The following ABCA13 variants were observed in gnomAD, a reference collection of about 807,000 sequenced individuals.
The protein encoded by ABCA13 is ATP binding cassette subfamily A member 13, also known as ATP-binding cassette sub-family A member 13.
ABCA13 carries 476 observed loss-of-function variants against 478.7 expected under a neutral mutation model. The ratio of observed to expected loss-of-function variants is 0.99; its 90% confidence interval spans 0.92 to 1.07. The LOEUF is 1.07. ABCA13 is among the 50% of genes least tolerant of loss of function. The pLI is 0.00. For synonymous variants in ABCA13, 2,252 were observed against 2,158.9 expected (o/e 1.04, Z -1.20); for missense variants, 6,060 against 5,910.6 (o/e 1.03, Z -0.83).
intron 59 of ABCA13, among the ~76,000 whole-genome samples, chr7:48,622,997 G>A (rs963364261): frequency 1.3e-5 from 2 of 152,106 alleles, no homozygotes; most frequent in Non-Finnish European, 2.9e-5. Flanking sequence ...AAAGAAGTGA[G>A]CCTCCTACCT....
intron 55 of ABCA13, among the ~76,000 whole-genome samples, chr7:48,575,206 A>G (rs1021388492): frequency 8.5e-5 from 13 of 152,274 alleles, no homozygotes; most frequent in Non-Finnish European, 1.3e-4. Flanking sequence ...TGCATAAACA[A>G]TAATACACCA....
In ABCA13 at chr7:48,350,633, C is replaced by A. The variant is rs1326680856; in HGVS notation, c.10205-10C>A. 6.2e-7 allele frequency: 1 copy of A among 1,609,132 alleles called. No individual in the cohort carries two copies. Among genetic ancestry groups the A allele is most frequent in the Admixed American group, 1.7e-5 (1 of 59,690 alleles). ...AAGTTGATGTGTCCTAATCTGTTCA[C>A]TTTCCTCAGGAGGGCTGCTGGATGA... is the stretch of plus-strand genomic sequence containing the variant. On this transcript the variant is annotated splice_polypyrimidine_tract_variant and intron_variant, in intron 29 of 61. Coordinates refer to ENST00000435803, the MANE Select transcript of ABCA13 (RefSeq NM_152701.5).
chr7:48,637,282 G>A (rs1473574171), intron 59 of ABCA13, among the ~76,000 whole-genome samples: 2 of 147,440 alleles, frequency 1.4e-5, no homozygotes, highest in African/African-American at 2.5e-5. Context: ...TCTCACGCAC[G>A]AAGTACTGTA....
intron 58 of ABCA13, among the ~76,000 whole-genome samples, chr7:48,610,151 A>G (rs1031331374): frequency 2.0e-5 from 3 of 152,208 alleles, no homozygotes; most frequent in African/African-American, 7.2e-5. Context: ...TAAAAAACAA[A>G]TTAGTTACTT....
chr7:48,336,039 A>C (rs895151345), intron 28 of ABCA13, among the ~76,000 whole-genome samples: 1 of 152,168 alleles, frequency 6.6e-6, no homozygotes, highest in Non-Finnish European at 1.5e-5. Context: ...GGATGAGAAA[A>C]TATGCCTGCA....
Position 48,287,992 on chromosome 7 carries a change from G to A in ABCA13, c.8869G>A (p.Ala2957Thr). ...NPSWTKDILC[A>T]TLSCKQNGIR... ...TTCCTGGACCAAGGACATTTTGTGT[G>A]CTACTCTGAGTTGCAAGCAAAATGG... The change falls in exon 20 of 62, where the codon GCT becomes ACT. Residue 2957 changes from alanine to threonine, a missense_variant. Coordinates refer to ENST00000435803, the MANE Select transcript of ABCA13 (RefSeq NM_152701.5). 6.2e-7 allele frequency: 1 copy of A among 1,613,930 alleles called. No individual in the cohort carries two copies. Among genetic ancestry groups the A allele is most frequent in the Non-Finnish European group, 8.5e-7 (1 of 1,179,860 alleles).
chr7:48,269,875 T>C (rs1199408717), intron 16 of ABCA13, among the ~76,000 whole-genome samples: 1 of 152,180 alleles, frequency 6.6e-6, no homozygotes, highest in South Asian at 2.1e-4. Flanking sequence ...CTATGGAACT[T>C]CTTAAGCCCA....
At chr7:48,337,546 A>G (rs1023573269) in intron 28 of ABCA13, among the ~76,000 whole-genome samples, 1 of 152,238 alleles carries the variant, frequency 6.6e-6, no homozygotes, top group Non-Finnish European at 1.5e-5. Context: ...GAATTCCTAT[A>G]TGGACCTCTT....
rs751526845 is a variant in ABCA13, at chr7:48,372,234, G to A, written c.10870G>A (p.Val3624Met). Residue 3624 changes from valine to methionine, a missense_variant, in exon 33 of 62, where the codon GTG (valine) becomes ATG (methionine). Physicochemically the swap from Val to Met is conservative, Grantham distance 21. Coordinates refer to ENST00000435803, the MANE Select transcript of ABCA13 (RefSeq NM_152701.5). ...GGCCTGGTTCCTGGAGAACATGGCTGTGTTGACCATAAGCAGTGCTACTCT... is the reference window on the plus strand; with the variant it reads ...GGCCTGGTTCCTGGAGAACATGGCTATGTTGACCATAAGCAGTGCTACTCT... ...FLAWFLENMA[V>M]LTISSATLAI... The A allele has an allele frequency of 1.5e-5, 24 of 1,613,772 alleles. No individual in the cohort carries two copies. The South Asian group carries it at 2.1e-4, about 14-fold the overall frequency.
In ABCA13 at chr7:48,511,132, T is replaced by A. The variant is rs746325979; in HGVS notation, c.13573T>A (p.Phe4525Ile). 1.2e-6 allele frequency: 2 copies of A among 1,613,618 alleles called. No individual in the cohort carries two copies. The highest frequency in any genetic ancestry group is 2.7e-5 in the African/African-American group (2 of 74,928). ...VCLCVAVIVA[F>I]QLTAFTFRKN... Reference sequence around the variant, plus strand: ...CCTGTGTGTTGCCGTTATTGTCGCCTTCCAGTTAACAGCTTTTACTTTCCG... The same window carrying A: ...CCTGTGTGTTGCCGTTATTGTCGCCATCCAGTTAACAGCTTTTACTTTCCG... The change falls in exon 51 of 62, where the codon TTC becomes ATC. Residue 4525 changes from phenylalanine to isoleucine, a missense_variant. Transcript: ENST00000435803.
chr7:48,428,357 A>C (rs1277656953), intron 42 of ABCA13, among the ~76,000 whole-genome samples: 1 of 152,088 alleles, frequency 6.6e-6, no homozygotes, highest in African/African-American at 2.4e-5. Flanking sequence ...CCTCCTTTAT[A>C]GGCTTTAATG....
At chr7:48,347,985 A>G (rs1015602477) in intron 29 of ABCA13, among the ~76,000 whole-genome samples, 3 of 152,204 alleles carry the variant, frequency 2.0e-5, no homozygotes, top group Non-Finnish European at 4.4e-5. Context: ...TCAGATGCCC[A>G]CTGAGGGGTG....
chr7:48,391,842 A>C, intron 37 of ABCA13, 79 bp from the exon 38 acceptor site: 1 of 1,400,786 alleles, frequency 7.1e-7, no homozygotes. Flanking sequence ...TGCATGCGCC[A>C]TCCTGGAGCT....
intron 42 of ABCA13, among the ~76,000 whole-genome samples, chr7:48,431,539 T>G (rs1822154860): frequency 6.6e-6 from 1 of 152,180 alleles, no homozygotes; most frequent in East Asian, 1.9e-4. Flanking sequence ...GTTCAAGTCT[T>G]TTGTTTTCTT....
intron 59 of ABCA13, among the ~76,000 whole-genome samples, chr7:48,629,676 G>A (rs886453513): frequency 1.3e-5 from 2 of 151,692 alleles, no homozygotes; most frequent in Non-Finnish European, 2.9e-5. Flanking sequence ...GAGATGGGCT[G>A]GCCTGGGCTG....
chr7:48,323,858 C>G (rs542192167), intron 27 of ABCA13, among the ~76,000 whole-genome samples: 2 of 152,256 alleles, frequency 1.3e-5, no homozygotes, highest in East Asian at 3.9e-4. Flanking sequence ...ATACTGTTCT[C>G]GTGAGAGTGA....
intron 27 of ABCA13, among the ~76,000 whole-genome samples, chr7:48,318,867 G>GT (rs1802976455): frequency 6.6e-6 from 1 of 152,068 alleles, no homozygotes; most frequent in Non-Finnish European, 1.5e-5. Flanking sequence ...ATATTATTAT[G>GT]TTAATATTAT....
rs942742343 is a variant in ABCA13, at chr7:48,410,765, G to A, written c.12228+88G>A. 61 of 1,518,126 alleles carry A rather than the reference G, an allele frequency of 4.0e-5. No individual in the cohort carries two copies. The East Asian group carries it at 9.5e-4, about 24-fold the overall frequency. 94.0% of individuals were successfully genotyped at this position (1,518,126 alleles called of 1,614,324 possible). A position where few individuals can be genotyped will look rare whatever the true frequency, so the allele number is the denominator to read the frequency against. ...GTGGTGACAGTTACATAGTAATAAC[G>A]TCTCAGTGGAGGCCTTCTGTGCACA... On this transcript the variant is annotated intron_variant, in intron 40 of 61. Transcript: ENST00000435803.
At chr7:48,352,524 A>T in intron 31 of ABCA13, 37 bp downstream of exon 31, 1 of 1,525,782 alleles carries the variant, frequency 6.6e-7, no homozygotes, top group Non-Finnish European at 8.8e-7. Context: ...GACAGTGAGA[A>T]GGGCCTTGCA....
Sources: gnomAD v4.1 joint callset for allele counts (sites outside exome capture counted in the v4.1 genomes callset) on GRCh38, gnomAD v4.1.1 for gene constraint, MANE v1.5 for transcripts, NCBI Gene and HGNC (gene_info 2026-07-23, HGNC 2026-07-21) for gene names.